The following INSR variants were observed in gnomAD, a reference collection of about 807,000 sequenced individuals.
The protein encoded by INSR is IR.
INSR carries 67 observed loss-of-function variants against 142.6 expected under a neutral mutation model. The ratio of observed to expected loss-of-function variants is 0.47; its 90% CI spans 0.39 to 0.58. INSR has a LOEUF of 0.58. Among genes scored for constraint, INSR ranks in the 20% least tolerant of loss-of-function variants. The probability of loss-of-function intolerance (pLI) is 0.00; values close to 1 mark genes in which losing one functional copy is unlikely to be tolerated. For missense variants in INSR, 1,248 were observed against 1,833.2 expected (o/e 0.68, Z 5.83); for synonymous variants, 756 against 743.1 (o/e 1.02, Z -0.28).
intron 9 of INSR, among the ~76,000 whole-genome samples, chr19:7,160,398 C>T (rs982611843): frequency 2.0e-4 from 30 of 151,850 alleles, no homozygotes; most frequent in Middle Eastern, 6.3e-3. Flanking sequence ...CCACCCGCCT[C>T]GGCCTCCCAA....
chr19:7,269,280 G>A (rs561090269), intron 1 of INSR, among the ~76,000 whole-genome samples: 2 of 147,180 alleles, frequency 1.4e-5, no homozygotes, highest in African/African-American at 5.0e-5. Flanking sequence ...CAATAACAAC[G>A]ACAAAACACA....
chr19:7,255,870 C>T (rs10418462), intron 2 of INSR, among the ~76,000 whole-genome samples: 2,458 of 152,100 alleles, frequency 0.016, 61 homozygotes, highest in African/African-American at 0.055. Context: ...TGACCCACCA[C>T]ACCCAACCTC....
At chr19:7,120,523 T>C in intron 20 of INSR, 97 bp downstream of exon 20, 1 of 1,459,152 alleles carries the variant, frequency 6.9e-7, no homozygotes, top group Non-Finnish European at 9.6e-7. Context: ...TGATGGGGCG[T>C]CCAGGAGGAT....
At chr19:7,140,620 G>A (rs1242022076) in intron 13 of INSR, among the ~76,000 whole-genome samples, 6 of 152,250 alleles carry the variant, frequency 3.9e-5, no homozygotes, top group Admixed American at 2.6e-4. Flanking sequence ...ATGTGAGGAC[G>A]TATTGTACTT....
At chr19:7,152,352 G>A in intron 10 of INSR, 1 of 332,404 alleles carries the variant, frequency 3.0e-6, no homozygotes, top group Admixed American at 4.4e-5. Flanking sequence ...CCGCACTCCA[G>A]CCTGGACGAT....
intron 11 of INSR, among the ~76,000 whole-genome samples, chr19:7,147,648 C>G (rs1362859929): frequency 6.6e-6 from 1 of 152,094 alleles, no homozygotes; most frequent in Non-Finnish European, 1.5e-5. Context: ...AAAAGACTAA[C>G]AACATTGTAG....
intron 1 of INSR, among the ~76,000 whole-genome samples, chr19:7,289,966 T>C (rs1968448222): frequency 6.6e-6 from 1 of 152,134 alleles, no homozygotes; most frequent in Non-Finnish European, 1.5e-5. Context: ...GATTGAGAGT[T>C]CTGCTTAAAC....
At position 7,210,340 on chromosome 19, in the gene INSR, C is replaced by CAA. The variant is rs11342133; in HGVS notation, c.653-25705_653-25704dup. Among the ~76,000 whole-genome samples the CAA allele has an allele frequency of 8.9e-3, 976 of 109,794 alleles. 14 individuals carry two copies. Among genetic ancestry groups the CAA allele is most frequent in the African/African-American group, 0.026 (885 of 33,960 alleles). 72.0% of individuals were successfully genotyped at this position (109,794 alleles called of 152,430 possible). A position where few individuals can be genotyped will look rare whatever the true frequency, so the allele number is the denominator to read the frequency against. ...AGCCTGGTCAACAGAGACTCTGTCT[C>CAA]AAAAAAAAAAAAAAAAAAGTAAACA... is the stretch of plus-strand genomic sequence containing the variant. On this transcript the variant is annotated intron_variant, in intron 2 of 21. Transcript: ENST00000302850.
intron 2 of INSR, among the ~76,000 whole-genome samples, chr19:7,221,913 C>A (rs75804869): frequency 6.6e-6 from 1 of 152,054 alleles, no homozygotes; most frequent in East Asian, 1.9e-4. Flanking sequence ...TACAATTATA[C>A]AGCAGGCTTG....
intron 13 of INSR, among the ~76,000 whole-genome samples, chr19:7,137,793 C>A (rs947661487): frequency 1.8e-5 from 1 of 56,984 alleles, no homozygotes. Context: ...AGTGAGACTC[C>A]ATCTCAAAAA....
intron 3 of INSR, among the ~76,000 whole-genome samples, chr19:7,175,548 C>A (rs776212306): frequency 2.4e-4 from 37 of 152,122 alleles, no homozygotes; most frequent in Middle Eastern, 6.8e-3. Flanking sequence ...TAAAAATGTC[C>A]TCCAGGCCAG....
At position 7,192,303 on chromosome 19, in the gene INSR, AAAAG is replaced by A. The variant is rs1328241200; in HGVS notation, c.653-7670_653-7667del. Among the ~76,000 whole-genome samples, 692 of 140,366 alleles carry A rather than the reference AAAAG, an allele frequency of 4.9e-3. 12 individuals carry two copies. The highest frequency in any genetic ancestry group is 0.017 in the African/African-American group (647 of 37,128). The allele number at this position is 140,366 out of a possible 152,430, so 92.1% of individuals were successfully genotyped here. On this transcript the variant is annotated intron_variant, in intron 2 of 21. Coordinates refer to ENST00000302850, the MANE Select transcript of INSR (RefSeq NM_000208.4). This position sits in a 1 kb window ranked among gnomAD's most constrained non-coding sequence, Gnocchi z 4.2. ...AAAAGAAAAGAAAAGAAAAGAAAAGAAAAGAAAAAAATCACAGGCAGCCCAGGCT... is the reference window on the plus strand; with the variant it reads ...AAAAGAAAAGAAAAGAAAAGAAAAGAAAAAAAATCACAGGCAGCCCAGGCT...
rs2860190 is a variant in INSR at position 7,294,347 on chromosome 19, G to A, written c.-456C>T. ...CGGGCGGCGGGAGAGAGGGCTGCTC[G>A]GGCCCGTAAACAACGCGGCCCGTCA... On this transcript the variant is annotated 5_prime_UTR_variant, in exon 1 of 22. Coordinates refer to ENST00000302850, the MANE Select transcript of INSR (RefSeq NM_000208.4). Among the ~76,000 whole-genome samples, 1 of 151,452 alleles carries A rather than the reference G, an allele frequency of 6.6e-6. No individual in the cohort carries two copies. The highest frequency in any genetic ancestry group is 1.5e-5 in the Non-Finnish European group (1 of 67,686).
chr19:7,191,465 C>G (rs1406298906), intron 2 of INSR, among the ~76,000 whole-genome samples: 1 of 152,120 alleles, frequency 6.6e-6, no homozygotes, highest in Non-Finnish European at 1.5e-5. Context: ...TCCACATACT[C>G]TTGCTCCCCA....
Position 7,176,657 on chromosome 19 carries a change from T to C in INSR, c.975-1926A>G, listed in dbSNP as rs372198682. On this transcript the variant is annotated intron_variant, in intron 3 of 21. Transcript: ENST00000302850. ...CCCCCTTTCTCTCTTCCTTCAGTCA[T>C]GTAAGATGTGCCTACCTCCCCTTTG... 3.1e-4 allele frequency among the ~76,000 whole-genome samples: 47 copies of C among 152,236 alleles called. 1 individual carries two copies. In the South Asian group the frequency reaches 3.5e-3, roughly 11 times the overall value.
chr19:7,153,782 G>A (rs555077519), intron 9 of INSR, among the ~76,000 whole-genome samples: 8 of 152,152 alleles, frequency 5.3e-5, no homozygotes, highest in Middle Eastern at 3.4e-3. Context: ...TTCGGAGGCC[G>A]AGGTGTGAGG....
At chr19:7,164,309 A>G (rs549398964) in intron 8 of INSR, among the ~76,000 whole-genome samples, 1 of 152,256 alleles carries the variant, frequency 6.6e-6, no homozygotes, top group East Asian at 1.9e-4. Context: ...GTCTCCAGAC[A>G]TTGATTGGCA....
At chr19:7,212,250 G>A (rs1004502923) in intron 2 of INSR, among the ~76,000 whole-genome samples, 1 of 152,120 alleles carries the variant, frequency 6.6e-6, no homozygotes, top group Admixed American at 6.6e-5. Flanking sequence ...AAAGCCGATG[G>A]GGCTGAAATG....
At chr19:7,123,536 T>C (rs1972546577) in intron 17 of INSR, among the ~76,000 whole-genome samples, 1 of 152,116 alleles carries the variant, frequency 6.6e-6, no homozygotes, top group Non-Finnish European at 1.5e-5. Context: ...CAGCTCCTCA[T>C]GTCCTCTAAG....
Sources: allele counts gnomAD v4.1 joint callset (sites outside exome capture counted in the v4.1 genomes callset), GRCh38; gene constraint gnomAD v4.1.1; non-coding constraint Gnocchi (gnomAD v3.1); transcripts MANE v1.5; gene names NCBI Gene and HGNC (gene_info 2026-07-23, HGNC 2026-07-21).